VAV3: variants seen among roughly 807,000 people sequenced by gnomAD.
VAV3 encodes the protein vav guanine nucleotide exchange factor 3, also known as guanine nucleotide exchange factor VAV3.
In VAV3, 94 loss-of-function variants were observed where a neutral mutation model predicts 131.2. That is an observed-to-expected ratio of 0.72 (90% CI 0.61 to 0.85). The LOEUF (loss-of-function observed/expected upper bound fraction) is 0.85, where lower values mean the gene tolerates loss of function less well. Ranked by LOEUF, VAV3 falls within the 40% of genes least tolerant of loss-of-function variation. VAV3 has a pLI of 0.00. For missense variants in VAV3, 939 were observed against 1,002.7 expected (o/e 0.94, Z 0.86); for synonymous variants, 349 against 342.0 (o/e 1.02, Z -0.22).
At chr1:107,715,430 A>C (rs1661037284) in intron 15 of VAV3, among the ~76,000 whole-genome samples, 1 of 152,190 alleles carries the variant, frequency 6.6e-6, no homozygotes, top group East Asian at 1.9e-4. Context: ...ATGTATTACT[A>C]TATCCTGAAT....
At chr1:107,961,787 G>A (rs1466400876) in intron 1 of VAV3, among the ~76,000 whole-genome samples, 1 of 152,182 alleles carries the variant, frequency 6.6e-6, no homozygotes, top group Admixed American at 6.5e-5. Flanking sequence ...TCCCATCCAT[G>A]CTTTTATTTT....
At chr1:107,757,215 G>T in intron 11 of VAV3, 46 bp downstream of exon 11, 3 of 1,469,066 alleles carry the variant, frequency 2.0e-6, no homozygotes, top group South Asian at 1.2e-5. Flanking sequence ...ATTGTCTTTA[G>T]GCAAGAATAA....
intron 17 of VAV3, among the ~76,000 whole-genome samples, chr1:107,695,102 A>G (rs370995480): frequency 2.4e-4 from 37 of 152,264 alleles, no homozygotes; most frequent in African/African-American, 8.9e-4. Flanking sequence ...ACACAGACAT[A>G]AAAAAACTGG....
intron 2 of VAV3, chr1:107,785,403 G>C (rs929907185): frequency 7.6e-7 from 1 of 1,311,700 alleles, no homozygotes; most frequent in East Asian, 5.5e-5. Context: ...GGAAAGGCCG[G>C]GTTCAGTAAC....
intron 2 of VAV3, among the ~76,000 whole-genome samples, chr1:107,865,246 A>G (rs1188496932): frequency 6.6e-6 from 1 of 152,188 alleles, no homozygotes; most frequent in Non-Finnish European, 1.5e-5. Flanking sequence ...TCTGTGGGGC[A>G]GAGAAGCAGG....
chr1:107,585,721 T>C (rs1650429351), intron 25 of VAV3, among the ~76,000 whole-genome samples: 1 of 152,158 alleles, frequency 6.6e-6, no homozygotes, highest in South Asian at 2.1e-4. Context: ...CATGTGATGG[T>C]GACAGAAACA....
chr1:107,732,593 C>T (rs1360539210), intron 15 of VAV3, among the ~76,000 whole-genome samples: 1 of 152,214 alleles, frequency 6.6e-6, no homozygotes, highest in Non-Finnish European at 1.5e-5. Flanking sequence ...CCCATGCCCA[C>T]GGAGCCTCGT....
At chr1:107,621,088 C>CT (rs1377562720) in intron 20 of VAV3, among the ~76,000 whole-genome samples, 2 of 78,768 alleles carry the variant, frequency 2.5e-5, no homozygotes, top group East Asian at 5.2e-4. Context: ...TATCAAAACT[C>CT]ATTTTTTTTT....
At chr1:107,767,233 C>CA (rs1664781918) in intron 7 of VAV3, among the ~76,000 whole-genome samples, 1 of 152,150 alleles carries the variant, frequency 6.6e-6, no homozygotes, top group Non-Finnish European at 1.5e-5. Flanking sequence ...CTCAAAATGT[C>CA]AGAATTTCAC....
chr1:107,688,322 A>T, intron 18 of VAV3, 59 bp downstream of exon 18: 1 of 1,582,378 alleles, frequency 6.3e-7, no homozygotes, highest in East Asian at 2.3e-5. Context: ...AGCCTGGTTA[A>T]GTTAGCAAAC....
chr1:107,722,978 C>T (rs1050218660), intron 15 of VAV3, among the ~76,000 whole-genome samples: 1 of 151,340 alleles, frequency 6.6e-6, no homozygotes, highest in African/African-American at 2.4e-5. Flanking sequence ...TCTTAATTCT[C>T]TCAGGCAGGA....
At chr1:107,696,850 C>T (rs548741812) in intron 17 of VAV3, among the ~76,000 whole-genome samples, 2 of 152,236 alleles carry the variant, frequency 1.3e-5, no homozygotes, top group Admixed American at 6.5e-5. Flanking sequence ...TATCTTATCC[C>T]TTTTCCTGCC....
chr1:107,716,832 C>T (rs1423035667), intron 15 of VAV3, among the ~76,000 whole-genome samples: 1 of 152,092 alleles, frequency 6.6e-6, no homozygotes, highest in Non-Finnish European at 1.5e-5. Context: ...CTTCCTTGTA[C>T]CTCTGGTAGA....
At chr1:107,752,534 G>A (rs1299147202) in intron 12 of VAV3, among the ~76,000 whole-genome samples, 1 of 151,954 alleles carries the variant, frequency 6.6e-6, no homozygotes, top group Non-Finnish European at 1.5e-5. Flanking sequence ...CACAAGAAAA[G>A]TATTTGCAAA....
chr1:107,964,861 C>G lies in VAV3; in HGVS notation c.9G>C (p.Pro3=), dbSNP rs142499589. The change falls in exon 1 of 27, where the codon CCG becomes CCC. Residue 3 remains proline (P), a synonymous_variant. Coordinates refer to ENST00000370056, the MANE Select transcript of VAV3 (RefSeq NM_006113.5). Reference sequence around the variant, plus strand: ...TGAGCCACTGCGCGCACTGCTTCCACGGCTCCATGCCCGACGGCTCCGGGA... The same window carrying G: ...TGAGCCACTGCGCGCACTGCTTCCAGGGCTCCATGCCCGACGGCTCCGGGA... The part of the protein sequence containing the change: ME[P]WKQCAQWLIH... The G allele has an allele frequency of 1.8e-5, 29 of 1,599,480 alleles. No individual in the cohort carries two copies. In the African/African-American group the frequency reaches 3.6e-4, roughly 20 times the overall value.
At chr1:107,844,605 G>A (rs1668880706) in intron 2 of VAV3, among the ~76,000 whole-genome samples, 1 of 152,166 alleles carries the variant, frequency 6.6e-6, no homozygotes, top group Admixed American at 6.5e-5. Context: ...GCAGTCTGAA[G>A]TCGACCTGGG....
intron 15 of VAV3, among the ~76,000 whole-genome samples, chr1:107,738,527 C>T (rs1662818715): frequency 6.6e-6 from 1 of 152,080 alleles, no homozygotes; most frequent in African/African-American, 2.4e-5. Flanking sequence ...ACTTCCTTGC[C>T]ATCTCCCCAA....
At chr1:107,947,593 G>T (rs1674328902) in intron 1 of VAV3, among the ~76,000 whole-genome samples, 1 of 152,114 alleles carries the variant, frequency 6.6e-6, no homozygotes, top group Admixed American at 6.5e-5. Context: ...CCATAAGAAA[G>T]AAAATTAATA....
At chr1:107,910,243 A>C (rs573411443) in intron 1 of VAV3, among the ~76,000 whole-genome samples, 6 of 152,206 alleles carry the variant, frequency 3.9e-5, no homozygotes, top group Non-Finnish European at 8.8e-5. Flanking sequence ...AAGCTTTTCC[A>C]TACACGGATA....
Sources: allele counts gnomAD v4.1 joint callset (sites outside exome capture counted in the v4.1 genomes callset), GRCh38; gene constraint gnomAD v4.1.1; transcripts MANE v1.5; gene names NCBI Gene and HGNC (gene_info 2026-07-23, HGNC 2026-07-21).